SERPINB4: variants seen among roughly 807,000 people sequenced by gnomAD.
The protein encoded by SERPINB4 is serpin B4.
In SERPINB4, 39 loss-of-function variants were observed where a neutral mutation model predicts 33.2. That is an observed-to-expected ratio of 1.18 (90% CI 0.91 to 1.53). SERPINB4 has a LOEUF of 1.53. SERPINB4 is among the 40% of genes most tolerant of loss of function. The pLI, the probability that SERPINB4 is intolerant of heterozygous loss-of-function variation, is 0.00. For missense variants in SERPINB4, 564 were observed against 455.4 expected (o/e 1.24, Z -2.17); for synonymous variants, 191 against 166.4 (o/e 1.15, Z -1.14).
At position 63,640,893 on chromosome 18, in the gene SERPINB4, C is replaced by G. The variant is rs752250571; in HGVS notation, c.450G>C (p.Trp150Cys). ...TCCTACCATTCGTTTGACTTTCCAC[C>G]CAGGAGTTAATCTTCTTTCGACTTT... ...PEESRKKINS[W>C]VESQTNEKIK... The change falls in exon 5 of 8, where the codon TGG becomes TGC. Residue 150 changes from tryptophan (W) to cysteine (C), a missense_variant. By Grantham distance (215) the Trp-to-Cys change is radical (BLOSUM62 -2). Coordinates refer to ENST00000341074, the MANE Select transcript of SERPINB4 (RefSeq NM_002974.4). 6.2e-7 allele frequency: 1 copy of G among 1,612,476 alleles called. No individual in the cohort carries two copies.
rs374590836 is a variant in SERPINB4 at position 63,640,496 on chromosome 18, A to C, written c.469+378T>G. ...AGAGCTGCTTGTTTCCCAATTAGTA[A>C]AGGAGACGAGAGACGCTTTCTAATG... On this transcript the variant is annotated intron_variant, in intron 5 of 7. Transcript: ENST00000341074. 1.1e-4 allele frequency among the ~76,000 whole-genome samples: 17 copies of C among 152,184 alleles called. No homozygotes were observed. In the East Asian group the frequency reaches 3.3e-3, roughly 29 times the overall value.
chr18:63,639,575 A>T, intron 6 of SERPINB4, 59 bp downstream of exon 6: 1 of 1,202,124 alleles, frequency 8.3e-7, no homozygotes, highest in Non-Finnish European at 1.2e-6. Flanking sequence ...TTCCATCAGA[A>T]ATGTTTAACA....
chr18:63,638,235 A>G, intron 7 of SERPINB4, 112 bp from the exon 8 acceptor site: 1 of 1,238,470 alleles, frequency 8.1e-7, no homozygotes, highest in Non-Finnish European at 1.1e-6. Context: ...TGTGAAATAC[A>G]GAAGGTTCAC....
Position 63,643,535 on chromosome 18 carries a change from G to T in SERPINB4, c.43C>A (p.Leu15Met). The change falls in exon 2 of 8, where the codon CTG becomes ATG. Residue 15 changes from leucine (L) to methionine (M), a missense_variant. By Grantham distance (15) the Leu-to-Met change is conservative. Coordinates refer to ENST00000341074, the MANE Select transcript of SERPINB4 (RefSeq NM_002974.4). ...SEANTKFMFDLFQQFRKSKEN... is the reference protein window; with the variant it reads ...SEANTKFMFDMFQQFRKSKEN... ...TTTGATTTTCTGAACTGTTGGAACAGATCGAACATGAACTTGGTGTTGGCT... is the reference window on the plus strand; with the variant it reads ...TTTGATTTTCTGAACTGTTGGAACATATCGAACATGAACTTGGTGTTGGCT... The T allele has an allele frequency of 2.5e-6, 4 of 1,613,692 alleles. No individual in the cohort carries two copies. Among genetic ancestry groups the T allele is most frequent in the Admixed American group, 1.7e-5 (1 of 59,990 alleles).
chr18:63,638,860 TA>T (rs1181563906), intron 7 of SERPINB4, among the ~76,000 whole-genome samples: 3 of 150,168 alleles, frequency 2.0e-5, no homozygotes, highest in Admixed American at 6.6e-5. Flanking sequence ...TACCTAACGC[TA>T]AATGACGAGT....
Position 63,637,947 on chromosome 18 carries a change from T to G in SERPINB4, c.945A>C (p.Ser315=). 1 of 1,613,672 alleles carries G rather than the reference T, an allele frequency of 6.2e-7. No individual in the cohort carries two copies. Among genetic ancestry groups the G allele is most frequent in the Non-Finnish European group, 8.5e-7 (1 of 1,179,780 alleles). ...AGAGACCGTGGCTCCAGGTCATGCC[T>G]GAGAGGTCTGCATCCCCATTGAAGA... The part of the protein sequence containing the change: ...VNIFNGDADL[S]GMTWSHGLSV... The change falls in exon 8 of 8, where the codon TCA becomes TCC. Residue 315 remains serine (S), a synonymous_variant. Transcript: ENST00000341074.
chr18:63,639,473 T>C, intron 6 of SERPINB4, 133 bp from the exon 7 acceptor site: 1 of 1,056,276 alleles, frequency 9.5e-7, no homozygotes, highest in Non-Finnish European at 1.3e-6. Context: ...AAACAATAGT[T>C]TTTCAGGTAT....
At chr18:63,643,837 G>A (rs949294204) in intron 1 of SERPINB4, among the ~76,000 whole-genome samples, 28 of 151,952 alleles carry the variant, frequency 1.8e-4, no homozygotes, top group African/African-American at 6.3e-4. Flanking sequence ...ATAAGTAATC[G>A]ACCCTCTTTA....
chr18:63,638,138 A>G lies in SERPINB4; in HGVS notation c.769-15T>C. ...TTCTCTTCAAGCTATACAAATGGAA[A>G]AAAGAAACTGATATGACTAACTGTC... On this transcript the variant is annotated splice_polypyrimidine_tract_variant and intron_variant, in intron 7 of 7. Transcript: ENST00000341074. 1.2e-6 allele frequency: 2 copies of G among 1,607,266 alleles called. No individual in the cohort carries two copies. Among genetic ancestry groups the G allele is most frequent in the East Asian group, 2.2e-5 (1 of 44,798 alleles).
rs1185993705 is a variant in SERPINB4 at position 63,637,812 on chromosome 18, A to G, written c.1080T>C (p.Asn360=). 1 of 1,613,416 alleles carries G rather than the reference A, an allele frequency of 6.2e-7. No homozygotes were observed. Among genetic ancestry groups the G allele is most frequent in the African/African-American group, 1.3e-5 (1 of 74,842 alleles). ...AAGGGTGATTACAACAGAACTCTTC[A>G]TTAGTTGAAGGAGATGATAATTCGA... is the stretch of plus-strand genomic sequence containing the variant. ...VVVELSSPST[N]EEFCCNHPFL... Residue 360 remains asparagine (N), a synonymous_variant, in exon 8 of 8, where the codon AAT becomes AAC. Transcript: ENST00000341074.
In SERPINB4 at chr18:63,641,765, A is replaced by G. The variant is rs753190964; in HGVS notation, c.346T>C (p.Leu116=). 3.1e-6 allele frequency: 5 copies of G among 1,613,298 alleles called. No homozygotes were observed. Among genetic ancestry groups the G allele is most frequent in the Middle Eastern group, 1.7e-4 (1 of 6,052 alleles). ...GGTAGGCCAGGTGAAATTACCTGTA[A>G]AAATTGATACGTCTTTTCTCCGAAG... is the stretch of plus-strand genomic sequence containing the variant. The part of the protein sequence containing the change: ...KLFGEKTYQF[L]QEYLDAIKKF... The change falls in exon 4 of 8, where the codon TTA becomes CTA. Residue 116 remains leucine (L), a synonymous_variant. Transcript: ENST00000341074.
chr18:63,639,056 A>G, intron 7 of SERPINB4, 129 bp downstream of exon 7: 1 of 1,102,268 alleles, frequency 9.1e-7, no homozygotes, highest in Non-Finnish European at 1.3e-6. Flanking sequence ...AAGGTGAGTC[A>G]TCATTCCTCA....
At chr18:63,642,722 A>C (rs1598929404) in intron 3 of SERPINB4, among the ~76,000 whole-genome samples, 1 of 152,254 alleles carries the variant, frequency 6.6e-6, no homozygotes, top group Middle Eastern at 3.4e-3. Flanking sequence ...TGATTAGTAT[A>C]ATTATAGCTA....
chr18:63,639,578 G>A (rs1464158145), intron 6 of SERPINB4, 56 bp downstream of exon 6: 32 of 1,229,764 alleles, frequency 2.6e-5, no homozygotes, highest in South Asian at 1.9e-4. Flanking sequence ...CATCAGAAAT[G>A]TTTAACATTC....
In SERPINB4 at chr18:63,638,003, C is replaced by T. The variant is rs2144462129; in HGVS notation, c.889G>A (p.Asp297Asn). ...ACCATTCCCATGGTTCTCAACGTGT[C>T]CTTGAGGTCATAGCTCTCTTCCATT... ...FKMEESYDLK[D>N]TLRTMGMVNI... is the part of the protein sequence containing the mutation. Residue 297 changes from aspartate to asparagine, a missense_variant, in exon 8 of 8, where the codon GAC becomes AAC. Transcript: ENST00000341074. 3.1e-6 allele frequency: 5 copies of T among 1,613,634 alleles called. No homozygotes were observed. Among genetic ancestry groups the T allele is most frequent in the Non-Finnish European group, 4.2e-6 (5 of 1,179,764 alleles).
chr18:63,640,932 T>C lies in SERPINB4; in HGVS notation c.411A>G (p.Ala137=), dbSNP rs1305013129. 5 of 1,612,984 alleles carry C rather than the reference T, an allele frequency of 3.1e-6. No individual in the cohort carries two copies. The South Asian group carries it at 5.5e-5, about 18-fold the overall frequency. Reference sequence around the variant, plus strand: ...TCTTTCGACTTTCTTCTGGAGCATTTGCAAAATCAGTAGATTCCACACTGG... The same window carrying C: ...TCTTTCGACTTTCTTCTGGAGCATTCGCAAAATCAGTAGATTCCACACTGG... ...YQTSVESTDF[A]NAPEESRKKI... Residue 137 remains alanine, a synonymous_variant, in exon 5 of 8, where the codon GCA becomes GCG. Transcript: ENST00000341074.
rs1204572035 is a variant in SERPINB4 at position 63,643,606 on chromosome 18, G to C, written c.-26-3C>G. The stretch of plus-strand genomic sequence containing the variant: ...GAACTCGATGTGATCTGGAACTCCT[G>C]GAAAAGCATCAGATTCCTGTCAGAA... On this transcript the variant is annotated splice_polypyrimidine_tract_variant and splice_region_variant and intron_variant, in intron 1 of 7. Coordinates refer to ENST00000341074, the MANE Select transcript of SERPINB4 (RefSeq NM_002974.4). The C allele has an allele frequency of 6.2e-7, 1 of 1,606,008 alleles. No homozygotes were observed. Among genetic ancestry groups the C allele is most frequent in the East Asian group, 2.2e-5 (1 of 44,808 alleles).
rs184724395 is a variant in SERPINB4 at position 63,641,958 on chromosome 18, G to C, written c.223-70C>G. On this transcript the variant is annotated intron_variant, in intron 3 of 7. Coordinates refer to ENST00000341074, the MANE Select transcript of SERPINB4 (RefSeq NM_002974.4). ...TAAATACTAAACCCATGCTAAGTCT[G>C]TTAGATCAGTCCCTAAATGCTGGTA... 4.4e-6 allele frequency: 7 copies of C among 1,596,266 alleles called. No homozygotes were observed. The African/African-American group carries it at 6.7e-5, about 15-fold the overall frequency.
At chr18:63,643,287 T>G in intron 2 of SERPINB4, 70 bp from the exon 3 acceptor site, 1 of 1,612,132 alleles carries the variant, frequency 6.2e-7, no homozygotes, top group South Asian at 1.1e-5. Flanking sequence ...GGTCTCACAG[T>G]TATGGGAATT....
Sources: gnomAD v4.1 joint callset for allele counts (sites outside exome capture counted in the v4.1 genomes callset) on GRCh38, gnomAD v4.1.1 for gene constraint, MANE v1.5 for transcripts, NCBI Gene and HGNC (gene_info 2026-07-23, HGNC 2026-07-21) for gene names.